The following RGS8 variants were observed in gnomAD, a reference collection of about 807,000 sequenced individuals.
RGS8 encodes regulator of G protein signaling 8, also known as regulator of G-protein signaling 8.
In RGS8, 8 loss-of-function variants were observed where a neutral mutation model predicts 21.7. The observed-to-expected ratio is 0.37, with a 90% CI of 0.22 to 0.66. The LOEUF (loss-of-function observed/expected upper bound fraction) is 0.66. Among genes scored for constraint, RGS8 ranks in the 30% least tolerant of loss-of-function variants. RGS8 has a pLI of 0.59. For synonymous variants in RGS8, 80 were observed against 83.6 expected, an observed-to-expected ratio of 0.96 and a Z score of 0.24; for missense variants, 157 against 217.9, an observed-to-expected ratio of 0.72 and a Z score of 1.76.
At chr1:182,680,360 A>G (rs746844811) in intron 1 of RGS8, among the ~76,000 whole-genome samples, 48 of 152,254 alleles carry the variant, frequency 3.2e-4, no homozygotes, top group Middle Eastern at 6.8e-3. Context: ...CACATATCAC[A>G]GGGTTCCATG....
At chr1:182,655,484 G>A (rs768684876) in intron 5 of RGS8, among the ~76,000 whole-genome samples, 15 of 152,210 alleles carry the variant, frequency 9.9e-5, no homozygotes, top group Non-Finnish European at 1.5e-4. Flanking sequence ...AGGCCGACTC[G>A]GCAGGGATGG....
At chr1:182,721,694 G>A in the RGS8 span, among the ~76,000 whole-genome samples, 7 of 152,130 alleles carry the variant, frequency 4.6e-5, no homozygotes, top group Non-Finnish European at 8.8e-5. Context: ...ATGGCTTCCA[G>A]GAACACTGCT....
intron 3 of RGS8, among the ~76,000 whole-genome samples, chr1:182,668,442 C>T (rs928307939): frequency 6.6e-6 from 1 of 152,196 alleles, no homozygotes. Flanking sequence ...CCTTAGAGGT[C>T]GTCCAATTCA....
At chr1:182,650,161 C>T (rs893951664) in intron 5 of RGS8, among the ~76,000 whole-genome samples, 8 of 150,284 alleles carry the variant, frequency 5.3e-5, no homozygotes, top group African/African-American at 2.0e-4. Context: ...CCACCCGCCT[C>T]GGCCTCCCAA....
intron 5 of RGS8, among the ~76,000 whole-genome samples, chr1:182,657,690 C>T (rs894875556): frequency 1.2e-4 from 18 of 152,318 alleles, no homozygotes; most frequent in Admixed American, 1.0e-3. Context: ...CATCTCTGTG[C>T]CTCAGTTCCC....
chr1:182,665,484 T>C (rs1663812432), intron 5 of RGS8, among the ~76,000 whole-genome samples: 1 of 152,200 alleles, frequency 6.6e-6, no homozygotes, highest in South Asian at 2.1e-4. Context: ...GCAGCTGGGA[T>C]AGCAAACCCT....
At chr1:182,681,643 G>A (rs1474058209) in intron 1 of RGS8, among the ~76,000 whole-genome samples, 4 of 152,302 alleles carry the variant, frequency 2.6e-5, no homozygotes, top group East Asian at 1.9e-4. Flanking sequence ...TATTTGCTCC[G>A]AAATTCACAC....
downstream of RGS8, chr1:182,645,148 C>T (rs543206780): frequency 1.3e-5 from 2 of 152,304 alleles, no homozygotes; most frequent in East Asian, 1.9e-4. Context: ...CGTTAAAAGG[C>T]CCCTCACCCC....
At chr1:182,646,441 C>T in exon 7 of RGS8, 1 of 331,686 alleles carries the variant, frequency 3.0e-6, no homozygotes, top group Non-Finnish European at 5.5e-6. Context: ...CAAATCTGCC[C>T]TCTCAGCAGA....
chr1:182,722,068 T>C, the RGS8 span, among the ~76,000 whole-genome samples: 2 of 152,172 alleles, frequency 1.3e-5, no homozygotes, highest in Non-Finnish European at 2.9e-5. Context: ...AGGTTCTGTG[T>C]ATGAAGCTCT....
intron 5 of RGS8, among the ~76,000 whole-genome samples, chr1:182,663,925 C>T (rs1376645719): frequency 6.6e-6 from 1 of 152,178 alleles, no homozygotes; most frequent in African/African-American, 2.4e-5. Flanking sequence ...CCTGCCTCAG[C>T]CTCTAAAATG....
At chr1:182,694,711 G>A in the RGS8 span, among the ~76,000 whole-genome samples, 1 of 151,780 alleles carries the variant, frequency 6.6e-6, no homozygotes, top group Admixed American at 6.6e-5. Context: ...GGGAGGCTGA[G>A]GCATGAGAAT....
exon 6 of RGS8, chr1:182,648,155 A>T (rs1662793902): frequency 6.2e-7 from 1 of 1,610,252 alleles, no homozygotes; most frequent in Non-Finnish European, 8.5e-7. Context: ...GAGCCTGCAC[A>T]TCCACAAACT....
chr1:182,679,643 C>G (rs1406610366), intron 1 of RGS8, among the ~76,000 whole-genome samples: 4 of 152,146 alleles, frequency 2.6e-5, no homozygotes, highest in Non-Finnish European at 5.9e-5. Context: ...CCTCTCCCAT[C>G]ATGTAGACAC....
At chr1:182,673,577 C>T (rs1664260401), upstream of RGS8, among the ~76,000 whole-genome samples, 2 of 152,206 alleles carry the variant, frequency 1.3e-5, no homozygotes, top group African/African-American at 4.8e-5. Context: ...AATTCTGATG[C>T]TGCCTCCACA....
the RGS8 span, among the ~76,000 whole-genome samples, chr1:182,720,912 TGTATATAC>T: frequency 0.028 from 2,802 of 100,042 alleles, 157 homozygotes; most frequent in African/African-American, 0.12. Flanking sequence ...CATATGTGTG[TGTATATAC>T]ATATATACAT....
chr1:182,651,003 T>G (rs643593), intron 5 of RGS8, among the ~76,000 whole-genome samples: 19,836 of 152,146 alleles, frequency 0.13, 2,947 homozygotes, highest in African/African-American at 0.36. Context: ...AAAAAGAAGA[T>G]GAGAGTAACG....
chr1:182,751,155 G>T, the RGS8 span, among the ~76,000 whole-genome samples: 1 of 152,166 alleles, frequency 6.6e-6, no homozygotes, highest in Non-Finnish European at 1.5e-5. Flanking sequence ...GAACTAAACA[G>T]AAAGAAGAAA....
At chr1:182,695,761 C>T in the RGS8 span, among the ~76,000 whole-genome samples, 17 of 152,178 alleles carry the variant, frequency 1.1e-4, no homozygotes, top group African/African-American at 4.8e-5. Context: ...TTAGTGCATA[C>T]CAACTGCATC....
Sources: allele counts gnomAD v4.1 joint callset (sites outside exome capture counted in the v4.1 genomes callset), GRCh38; gene constraint gnomAD v4.1.1; transcripts MANE v1.5; gene names NCBI Gene and HGNC (gene_info 2026-07-23, HGNC 2026-07-21).